ANTXR2: variants seen among roughly 807,000 people sequenced by gnomAD.
ANTXR2 encodes the protein ANTXR cell adhesion molecule 2.
In ANTXR2, 44 loss-of-function variants were observed where a neutral mutation model predicts 73.7. The ratio of observed to expected loss-of-function variants is 0.60; its 90% CI spans 0.47 to 0.77. ANTXR2 has a LOEUF of 0.77. ANTXR2 is among the 30% of genes least tolerant of loss of function. The probability of loss-of-function intolerance (pLI) is 0.00; values close to 1 mark genes in which losing one functional copy is unlikely to be tolerated. For missense variants in ANTXR2, 604 were observed against 592.5 expected, an observed-to-expected ratio of 1.02 and a Z score of -0.20; for synonymous variants, 217 against 205.9, an observed-to-expected ratio of 1.05 and a Z score of -0.46.
chr4:80,064,387 G>C (rs946385853), intron 3 of ANTXR2, among the ~76,000 whole-genome samples: 1 of 152,040 alleles, frequency 6.6e-6, no homozygotes. Flanking sequence ...AATAACTAAG[G>C]TTCTGAAGTC....
intron 12 of ANTXR2, among the ~76,000 whole-genome samples, chr4:79,991,652 T>A (rs942932980): frequency 6.6e-6 from 1 of 152,082 alleles, no homozygotes; most frequent in Non-Finnish European, 1.5e-5. Flanking sequence ...TACGCACTTG[T>A]ATGTTCATCA....
At chr4:79,966,132 AC>A (rs1729352523) in intron 16 of ANTXR2, among the ~76,000 whole-genome samples, 1 of 68,430 alleles carries the variant, frequency 1.5e-5, no homozygotes, top group African/African-American at 3.0e-5. Flanking sequence ...ACTTAGACAC[AC>A]ACACACACAC....
At chr4:79,927,476 TA>T (rs1727866630) in intron 16 of ANTXR2, among the ~76,000 whole-genome samples, 2 of 152,182 alleles carry the variant, frequency 1.3e-5, no homozygotes, top group South Asian at 4.1e-4. Flanking sequence ...GTCCCTGATA[TA>T]AAATTTGCAT....
At chr4:80,065,855 C>T (rs1357641582) in intron 3 of ANTXR2, among the ~76,000 whole-genome samples, 7 of 152,114 alleles carry the variant, frequency 4.6e-5, no homozygotes. Context: ...AGTGCTTAAC[C>T]TTTGGTTTTC....
chr4:80,071,069 C>T (rs891227532), intron 2 of ANTXR2, among the ~76,000 whole-genome samples: 5 of 152,098 alleles, frequency 3.3e-5, no homozygotes, highest in Admixed American at 2.0e-4. Flanking sequence ...AATTTTAAAC[C>T]AACCACACAC....
intron 12 of ANTXR2, among the ~76,000 whole-genome samples, chr4:80,005,233 C>T (rs1731248077): frequency 6.6e-6 from 1 of 152,074 alleles, no homozygotes; most frequent in African/African-American, 2.4e-5. Flanking sequence ...AGCTGACACA[C>T]CATAAATGTG....
At chr4:80,012,556 C>G (rs1232765421) in intron 11 of ANTXR2, among the ~76,000 whole-genome samples, 1 of 152,082 alleles carries the variant, frequency 6.6e-6, no homozygotes, top group Non-Finnish European at 1.5e-5. Context: ...ATTTGGCCTT[C>G]TACAGGAAAA....
intron 12 of ANTXR2, 141 bp downstream of exon 12, chr4:80,008,380 A>G (rs1172338247): frequency 1.3e-5 from 7 of 544,770 alleles, no homozygotes; most frequent in African/African-American, 2.0e-5. Context: ...TCTAGAATTT[A>G]TTATAGTAGT....
At chr4:80,010,059 T>A (rs1363466781) in intron 11 of ANTXR2, among the ~76,000 whole-genome samples, 1 of 149,242 alleles carries the variant, frequency 6.7e-6, no homozygotes, top group Non-Finnish European at 1.5e-5. Flanking sequence ...TTTTTTTTTA[T>A]GAGAAAAAAT....
At chr4:80,031,565 A>T (rs1732695733) in intron 10 of ANTXR2, 58 bp downstream of exon 10, 1 of 1,270,344 alleles carries the variant, frequency 7.9e-7, no homozygotes, top group African/African-American at 1.6e-5. Flanking sequence ...ATATGTCACC[A>T]TTTTCTAATA....
intron 11 of ANTXR2, 98 bp downstream of exon 11, chr4:80,018,800 T>A: frequency 1.0e-6 from 1 of 968,010 alleles, no homozygotes; most frequent in Non-Finnish European, 1.5e-6. Flanking sequence ...ATTGTTTGCA[T>A]CTCCTTTATT....
chr4:80,005,843 TGATC>T (rs1358521831), intron 12 of ANTXR2, among the ~76,000 whole-genome samples: 2 of 152,148 alleles, frequency 1.3e-5, no homozygotes, highest in Non-Finnish European at 2.9e-5. Flanking sequence ...GTAATTAGAC[TGATC>T]GAATCTCTCC....
At chr4:80,058,356 TC>T in intron 3 of ANTXR2, among the ~76,000 whole-genome samples, 1 of 152,120 alleles carries the variant, frequency 6.6e-6, no homozygotes, top group East Asian at 1.9e-4. Flanking sequence ...CTCCACTCAA[TC>T]CCATCATTAC....
chr4:79,934,933 A>T (rs1323164373), intron 16 of ANTXR2, among the ~76,000 whole-genome samples: 1 of 152,058 alleles, frequency 6.6e-6, no homozygotes, highest in Non-Finnish European at 1.5e-5. Flanking sequence ...TCAGGAACTG[A>T]CTTTGGGCCT....
Position 79,906,073 on chromosome 4 carries a change from A to G in ANTXR2, c.*1356T>C, listed in dbSNP as rs1240198881. On this transcript the variant is annotated 3_prime_UTR_variant, in exon 17 of 17. Coordinates refer to ENST00000403729, the MANE Select transcript of ANTXR2 (RefSeq NM_058172.6). ...GTACAGTATCGAAAGTGACTAGATCATTTGAGCTTTTTTCTTCAGCTGCTG... is the reference window on the plus strand; with the variant it reads ...GTACAGTATCGAAAGTGACTAGATCGTTTGAGCTTTTTTCTTCAGCTGCTG... 6.6e-6 allele frequency: 1 copy of G among 152,578 alleles called. No individual in the cohort carries two copies. The highest frequency in any genetic ancestry group is 1.5e-5 in the Non-Finnish European group (1 of 68,038). The allele number at this position is 152,578 out of a possible 1,614,324, so 9.5% of individuals were successfully genotyped here.
chr4:80,008,733 A>G, intron 11 of ANTXR2, 117 bp from the exon 12 acceptor site: 1 of 547,038 alleles, frequency 1.8e-6, no homozygotes, highest in Admixed American at 4.1e-5. Context: ...ATGTCAAACT[A>G]GATTTTAACT....
At chr4:79,923,040 C>G (rs7698087) in intron 16 of ANTXR2, among the ~76,000 whole-genome samples, 87,140 of 151,784 alleles carry the variant, frequency 0.57, 25,336 homozygotes, top group Non-Finnish European at 0.6. Context: ...TTCTTTTTCA[C>G]TATCATTTAA....
rs556976790 is a variant in ANTXR2, at chr4:79,963,503, C to T, written c.1428+14118G>A. Among the ~76,000 whole-genome samples the T allele has an allele frequency of 3.3e-5, 5 of 152,256 alleles. No homozygotes were observed. The East Asian group carries it at 9.6e-4, about 29-fold the overall frequency. On this transcript the variant is annotated intron_variant, in intron 16 of 16. Coordinates refer to ENST00000403729, the MANE Select transcript of ANTXR2 (RefSeq NM_058172.6). ...TCTGCACAACTGACAAAAGTCCTCT[C>T]AATATACTGAAAAATATTTATGTTG...
intron 14 of ANTXR2, among the ~76,000 whole-genome samples, chr4:79,983,177 G>T (rs1729961878): frequency 6.6e-6 from 1 of 152,046 alleles, no homozygotes; most frequent in Admixed American, 6.6e-5. Context: ...CCCTTGAATT[G>T]CTCCTTGGGA....
Sources: gnomAD v4.1 joint callset for allele counts (sites outside exome capture counted in the v4.1 genomes callset) on GRCh38, gnomAD v4.1.1 for gene constraint, MANE v1.5 for transcripts, NCBI Gene and HGNC (gene_info 2026-07-23, HGNC 2026-07-21) for gene names.